The following NEB variants were observed in gnomAD, a reference collection of about 807,000 sequenced individuals.
The protein encoded by NEB is nemaline myopathy type 2.
NEB carries 512 observed loss-of-function variants against 952.2 expected under a neutral mutation model. The observed-to-expected ratio is 0.54, with a 90% CI of 0.50 to 0.58. The LOEUF is 0.58. NEB is among the 20% of genes least tolerant of loss of function. The pLI is 0.00. For missense variants in NEB, 8,428 were observed against 9,231.1 expected, an observed-to-expected ratio of 0.91 and a Z score of 3.56; for synonymous variants, 2,900 against 3,149.8, an observed-to-expected ratio of 0.92 and a Z score of 2.66.
rs543483258 is a variant in NEB, at chr2:151,572,871, T to TA, written c.17014-2271dup. ...AGCCAAGTATGTATATATTTTTAAC[T>TA]AAAAAAAAAAAAAAAAAGCCCGGGG... On this transcript the variant is annotated intron_variant, in intron 107 of 181. Coordinates refer to ENST00000397345, the MANE Select transcript of NEB (RefSeq NM_001164508.2). Among the ~76,000 whole-genome samples the TA allele has an allele frequency of 6.7e-3, 577 of 86,628 alleles. 2 individuals are homozygous for TA. The highest frequency in any genetic ancestry group is 0.013 in the South Asian group (30 of 2,382). The allele number at this position is 86,628 out of a possible 152,430, so 56.8% of individuals were successfully genotyped here.
intron 8 of NEB, 115 bp from the exon 9 acceptor site, chr2:151,723,601 A>T: frequency 1.5e-6 from 1 of 666,380 alleles, no homozygotes; most frequent in Non-Finnish European, 2.5e-6. Flanking sequence ...GTGAGAGCAA[A>T]GGTAAATGAA....
chr2:151,490,109 AG>A, intron 180 of NEB, 32 bp from the exon 181 acceptor site: 1 of 1,508,464 alleles, frequency 6.6e-7, no homozygotes, highest in African/African-American at 1.4e-5. Flanking sequence ...CTTTATAAGA[AG>A]AAAAATGGCT....
At chr2:151,617,501 G>GAC (rs781146953) in intron 74 of NEB, 33 bp from the exon 75 acceptor site, 9 of 1,291,606 alleles carry the variant, frequency 7.0e-6, no homozygotes, top group Non-Finnish European at 9.5e-6. Context: ...GAGAGAGAGA[G>GAC]AGAAAAATTA....
chr2:151,498,148 G>A (rs1044920428), intron 170 of NEB, 112 bp downstream of exon 170: 1 of 1,530,174 alleles, frequency 6.5e-7, no homozygotes, highest in Non-Finnish European at 8.8e-7. Context: ...TGTAATATAA[G>A]ATGTATTAGA....
chr2:151,550,947 A>AATTATTATTATTATTATTATT (rs5835373), intron 129 of NEB, among the ~76,000 whole-genome samples: 123 of 138,886 alleles, frequency 8.9e-4, no homozygotes, highest in African/African-American at 1.5e-3. Flanking sequence ...GCCTGGCCAA[A>AATTATTATTATTATTATTATT]ATTATTATTA....
At position 151,502,775 on chromosome 2, in the gene NEB, TGGC is replaced by T; in HGVS notation, c.23928+15_23928+17del. On this transcript the variant is annotated intron_variant, in intron 167 of 181. Transcript: ENST00000397345. ...TAAAATTAAGGGATTTTTTTTTTTTTGGCCCCCTAAGAAATACCGAGCTAAAGT... is the reference window on the plus strand; with the variant it reads ...TAAAATTAAGGGATTTTTTTTTTTTTCCCCTAAGAAATACCGAGCTAAAGT... 6 of 1,404,416 alleles carry T rather than the reference TGGC, an allele frequency of 4.3e-6. No individual in the cohort carries two copies. The highest frequency in any genetic ancestry group is 3.4e-5 in the Admixed American group (2 of 58,314). 87.0% of individuals were successfully genotyped at this position (1,404,416 alleles called of 1,614,324 possible).
At chr2:151,656,489 C>A (rs532244536) in intron 48 of NEB, 25 bp from the exon 49 acceptor site, 1 of 1,511,190 alleles carries the variant, frequency 6.6e-7, no homozygotes, top group South Asian at 1.4e-5. Flanking sequence ...TGAGTTTTTA[C>A]ACAGAGCAAT....
intron 65 of NEB, among the ~76,000 whole-genome samples, chr2:151,631,673 G>A (rs531538100): frequency 4.9e-4 from 75 of 152,192 alleles, no homozygotes; most frequent in Non-Finnish European, 8.2e-4. Context: ...AACCACACCC[G>A]TGCCCAACAT....
At chr2:151,729,704 C>A in intron 3 of NEB, 48 bp from the exon 4 acceptor site, 1 of 1,587,468 alleles carries the variant, frequency 6.3e-7, no homozygotes, top group Non-Finnish European at 8.6e-7. Flanking sequence ...AAGCAGAAAC[C>A]ACCTCTCCTC....
intron 181 of NEB, among the ~76,000 whole-genome samples, chr2:151,488,562 C>CT (rs1020993852): frequency 7.2e-5 from 11 of 151,730 alleles, no homozygotes; most frequent in African/African-American, 2.7e-4. Context: ...TGGAGGATTG[C>CT]TTGAGTCCAT....
chr2:151,562,486 G>T, intron 120 of NEB, 125 bp downstream of exon 120: 1 of 1,035,126 alleles, frequency 9.7e-7, no homozygotes, highest in Non-Finnish European at 1.4e-6. Context: ...ATGCCACTTT[G>T]TTTTGAGAAG....
At chr2:151,495,806 TGAA>T (rs1386621107) in intron 173 of NEB, among the ~76,000 whole-genome samples, 2 of 152,228 alleles carry the variant, frequency 1.3e-5, no homozygotes, top group Non-Finnish European at 2.9e-5. Flanking sequence ...TCATTATTCT[TGAA>T]GGAGGGGATC....
chr2:151,671,284 T>G (rs2099284725), intron 37 of NEB, 55 bp from the exon 38 acceptor site: 4 of 1,432,238 alleles, frequency 2.8e-6, no homozygotes, highest in Non-Finnish European at 3.9e-6. Context: ...TCAAGGGATG[T>G]TTCTGGGATC....
At chr2:151,671,347 G>T in intron 37 of NEB, 118 bp from the exon 38 acceptor site, 1 of 812,684 alleles carries the variant, frequency 1.2e-6, no homozygotes, top group Non-Finnish European at 1.9e-6. Flanking sequence ...GCTCATGTCT[G>T]ACTGTCTGTC....
chr2:151,681,937 C>T (rs980535429), intron 29 of NEB, among the ~76,000 whole-genome samples: 2 of 152,168 alleles, frequency 1.3e-5, no homozygotes, highest in South Asian at 4.1e-4. Flanking sequence ...TATCCCCCAA[C>T]CGGTGAAGCA....
chr2:151,524,420 A>T lies in NEB; in HGVS notation c.22375-5T>A, dbSNP rs1207327385. The T allele has an allele frequency of 1.9e-6, 3 of 1,613,886 alleles. No individual in the cohort carries two copies. The highest frequency in any genetic ancestry group is 1.7e-5 in the Admixed American group (1 of 60,006). The stretch of plus-strand genomic sequence containing the variant: ...GTGCTTGGCTCTGTACTCCACCTGA[A>T]TCAGAGAAAACCAAAATGGGCAACA... On this transcript the variant is annotated splice_polypyrimidine_tract_variant and splice_region_variant and intron_variant, in intron 152 of 181. Transcript: ENST00000397345.
Position 151,694,527 on chromosome 2 carries a change from T to C in NEB, c.1777A>G (p.Ser593Gly), listed in dbSNP as rs200951652. The change falls in exon 19 of 182, where the codon AGC (serine) becomes GGC (glycine). Residue 593 changes from serine (S) to glycine (G), a missense_variant. Ser to Gly is a moderately conservative substitution (Grantham distance 56). This residue lies in a region of NEB where 2,851 missense variants were observed against 2,791.5 expected (regional missense o/e 1.02). Coordinates refer to ENST00000397345, the MANE Select transcript of NEB (RefSeq NM_001164508.2). Reference protein sequence around the residue: ...LAAKANTKNTSDVMYKKDYEK... With the variant: ...LAAKANTKNTGDVMYKKDYEK... ...GGTCCCCAGGCCACACTCACATCGC[T>C]GGTGTTCTTGGTGTTGGCTTTGGCT... 2.5e-6 allele frequency: 4 copies of C among 1,613,338 alleles called. No homozygotes were observed. Among genetic ancestry groups the C allele is most frequent in the Non-Finnish European group, 3.4e-6 (4 of 1,179,576 alleles).
rs1235589246 is a variant in NEB at position 151,525,980 on chromosome 2, TC to T, written c.22138del (p.Glu7380LysfsTer2). 3.1e-6 allele frequency: 5 copies of T among 1,613,888 alleles called. No homozygotes were observed. The highest frequency in any genetic ancestry group is 1.3e-5 in the African/African-American group (1 of 74,948). On this transcript the variant is annotated frameshift_variant, in exon 150 of 182. Coordinates refer to ENST00000397345, the MANE Select transcript of NEB (RefSeq NM_001164508.2). LOFTEE classifies it high-confidence loss of function. Reference protein sequence around the residue: ...PETRDTVHVKEVTKHVSDTNY... With the variant: ...PETRDTVHVKXVTKHVSDTNY... The stretch of plus-strand genomic sequence containing the variant: ...TACATCACTGACATGCTTGGTCACT[TC>T]CTTGACGTGAACAGTGTCCCGGGTC...
intron 71 of NEB, among the ~76,000 whole-genome samples, chr2:151,621,228 C>T (rs572130630): frequency 6.6e-6 from 1 of 152,300 alleles, no homozygotes; most frequent in South Asian, 2.1e-4. Flanking sequence ...CAAGTTTTAA[C>T]ATCACAACCT....
Sources: gnomAD v4.1 joint callset for allele counts (sites outside exome capture counted in the v4.1 genomes callset) on GRCh38, gnomAD v4.1.1 for gene constraint, gnomAD v4.1.1 regional missense constraint, MANE v1.5 for transcripts, NCBI Gene and HGNC (gene_info 2026-07-23, HGNC 2026-07-21) for gene names.